ANK3: variants seen among roughly 807,000 people sequenced by gnomAD.
ANK3 encodes ankyrin-3.
ANK3 carries 57 observed loss-of-function variants against 370.9 expected under a neutral mutation model. The observed-to-expected ratio is 0.15, with a 90% CI of 0.12 to 0.19. The LOEUF is 0.19. ANK3 is among the 10% of genes least tolerant of loss of function. The pLI is 1.00. For missense variants in ANK3, 4,439 were observed against 5,302.1 expected (o/e 0.84, Z 5.06); for synonymous variants, 1,929 against 1,946.3 (o/e 0.99, Z 0.23).
chr10:60,309,901 A>G (rs902746076), intron 1 of ANK3, among the ~76,000 whole-genome samples: 3 of 150,624 alleles, frequency 2.0e-5, no homozygotes, highest in Non-Finnish European at 1.5e-5. Flanking sequence ...AGTGAAATCA[A>G]TTTCTTTTCT....
chr10:60,365,256 T>C (rs2059236991), intron 1 of ANK3, among the ~76,000 whole-genome samples: 1 of 151,820 alleles, frequency 6.6e-6, no homozygotes, highest in Non-Finnish European at 1.5e-5. Flanking sequence ...TAAATGATAT[T>C]CAAGAAATCA....
At chr10:60,214,986 A>G (rs2096914013) in intron 8 of ANK3, among the ~76,000 whole-genome samples, 1 of 152,088 alleles carries the variant, frequency 6.6e-6, no homozygotes, top group South Asian at 2.1e-4. Flanking sequence ...CAACAGTGTA[A>G]AAGTATTCCT....
At chr10:60,432,097 T>C (rs560093647) in intron 2 of ANK3, among the ~76,000 whole-genome samples, 1 of 152,216 alleles carries the variant, frequency 6.6e-6, no homozygotes, top group Non-Finnish European at 1.5e-5. Context: ...AAATAAGTAC[T>C]TGACTTGCAA....
At chr10:60,431,652 T>TG (rs932213470) in intron 2 of ANK3, among the ~76,000 whole-genome samples, 11 of 151,772 alleles carry the variant, frequency 7.2e-5, no homozygotes, top group East Asian at 5.8e-4. Context: ...TGTTAGCTGG[T>TG]GGGGGGGCTA....
intron 18 of ANK3, among the ~76,000 whole-genome samples, chr10:60,175,751 G>A (rs374083613): frequency 1.8e-4 from 27 of 152,196 alleles, no homozygotes; most frequent in Non-Finnish European, 3.2e-4. Context: ...CCAGGAGCCC[G>A]GGCCTCAGAG....
chr10:60,511,097 C>T (rs2076068271), intron 2 of ANK3, among the ~76,000 whole-genome samples: 2 of 152,080 alleles, frequency 1.3e-5, no homozygotes, highest in South Asian at 4.1e-4. Flanking sequence ...ATCTGTGTAC[C>T]CCATGTTATT....
At chr10:60,698,669 G>T (rs916260719) in intron 1 of ANK3, among the ~76,000 whole-genome samples, 1 of 139,244 alleles carries the variant, frequency 7.2e-6, no homozygotes, top group African/African-American at 2.7e-5. Context: ...ACCAAACACC[G>T]CATATTCTCA....
upstream of ANK3, among the ~76,000 whole-genome samples, chr10:60,393,611 T>G (rs2063157246): frequency 6.6e-6 from 1 of 152,166 alleles, no homozygotes; most frequent in African/African-American, 2.4e-5. Flanking sequence ...CTTAAAGACT[T>G]TAGATATCAC....
intron 2 of ANK3, among the ~76,000 whole-genome samples, chr10:60,420,765 T>C (rs777282159): frequency 4.1e-4 from 62 of 152,010 alleles, no homozygotes; most frequent in Admixed American, 1.5e-3. Context: ...GAGATCCCTT[T>C]TATAAAAGGG....
intron 43 of ANK3, among the ~76,000 whole-genome samples, chr10:60,037,875 T>C (rs2075373504): frequency 6.6e-6 from 1 of 151,946 alleles, no homozygotes; most frequent in Non-Finnish European, 1.5e-5. Flanking sequence ...GCCACACCAC[T>C]TTCCATAATG....
intron 28 of ANK3, among the ~76,000 whole-genome samples, chr10:60,101,494 G>A (rs1035934740): frequency 1.3e-5 from 2 of 151,610 alleles, no homozygotes; most frequent in Non-Finnish European, 2.9e-5. Flanking sequence ...ATTTGGTGGG[G>A]GGAATGAATG....
At chr10:60,731,833 T>G (rs941241464) in intron 1 of ANK3, among the ~76,000 whole-genome samples, 3 of 152,212 alleles carry the variant, frequency 2.0e-5, no homozygotes, top group Non-Finnish European at 4.4e-5. Context: ...AGGATGACTC[T>G]TCTATGCTTT....
chr10:60,350,195 C>T lies in ANK3; in HGVS notation c.114+39230G>A, dbSNP rs564604397. On this transcript the variant is annotated intron_variant, in intron 1 of 43. Transcript: ENST00000280772. ...AATGTATGTAGATATCTATAATATG[C>T]ATAGTAGAATACATAGTCAACAGCC... is the stretch of plus-strand genomic sequence containing the variant. Among the ~76,000 whole-genome samples the T allele has an allele frequency of 7.2e-5, 11 of 152,222 alleles. No individual in the cohort carries two copies. The South Asian group carries it at 1.0e-3, about 14-fold the overall frequency.
intron 2 of ANK3, among the ~76,000 whole-genome samples, chr10:60,523,262 T>C (rs926915242): frequency 6.6e-5 from 10 of 151,986 alleles, no homozygotes; most frequent in African/African-American, 2.4e-4. Flanking sequence ...TATTATACTT[T>C]AAGTTTTAGG....
rs1164023239 is a variant in ANK3, at chr10:60,074,210, C to T, written c.6671G>A (p.Ser2224Asn). The T allele has an allele frequency of 6.2e-7, 1 of 1,614,176 alleles. No individual in the cohort carries two copies. Among genetic ancestry groups the T allele is most frequent in the Admixed American group, 1.7e-5 (1 of 60,026 alleles). The change falls in exon 37 of 44, where the codon AGT (serine) becomes AAT (asparagine). Residue 2224 changes from serine to asparagine, a missense_variant. By Grantham distance (46) the Ser-to-Asn change is conservative. Coordinates refer to ENST00000280772, the MANE Select transcript of ANK3 (RefSeq NM_020987.5). ...CCGATTGTGGTCATCTTCTTCACTA[C>T]TGGCTTTCATTTGAAATGCTTTAAC... is the stretch of plus-strand genomic sequence containing the variant. ...EKVKAFQMKASSEEDDHNRVL... is the reference protein window; with the variant it reads ...EKVKAFQMKANSEEDDHNRVL...
chr10:60,359,202 G>A (rs542015716), intron 1 of ANK3, among the ~76,000 whole-genome samples: 1 of 152,126 alleles, frequency 6.6e-6, no homozygotes, highest in African/African-American at 2.4e-5. Flanking sequence ...TACATACATG[G>A]TAATGAGAAA....
At chr10:60,639,479 T>C (rs1237399788) in intron 1 of ANK3, among the ~76,000 whole-genome samples, 4 of 151,356 alleles carry the variant, frequency 2.6e-5, no homozygotes, top group African/African-American at 7.3e-5. Context: ...TATATATATT[T>C]ATATTTTAAG....
chr10:60,323,691 T>C (rs1413445849), intron 1 of ANK3, among the ~76,000 whole-genome samples: 2 of 152,168 alleles, frequency 1.3e-5, no homozygotes, highest in Admixed American at 6.5e-5. Context: ...TATCACCTAA[T>C]GACTGAGCTC....
At chr10:60,675,063 T>C (rs1443052479) in intron 1 of ANK3, among the ~76,000 whole-genome samples, 1 of 152,248 alleles carries the variant, frequency 6.6e-6, no homozygotes, top group Non-Finnish European at 1.5e-5. Flanking sequence ...TCATTATCAT[T>C]GTTTGTGGAA....
Sources: allele counts gnomAD v4.1 joint callset (sites outside exome capture counted in the v4.1 genomes callset), GRCh38; gene constraint gnomAD v4.1.1; transcripts MANE v1.5; gene names NCBI Gene and HGNC (gene_info 2026-07-23, HGNC 2026-07-21).